Variants in RSRP1 observed in about 807,000 individuals in gnomAD.
The protein encoded by RSRP1 is arginine and serine rich protein 1.
RSRP1 carries 37 observed loss-of-function variants against 33.0 expected under a neutral mutation model. The observed-to-expected ratio is 1.12, with a 90% CI of 0.86 to 1.48. RSRP1 has a LOEUF of 1.48. Ranked by LOEUF, RSRP1 falls within the 40% of genes most tolerant of loss-of-function variation. The pLI is 0.00. For missense variants in RSRP1, 402 were observed against 385.3 expected, an observed-to-expected ratio of 1.04 and a Z score of -0.36; for synonymous variants, 167 against 158.7, an observed-to-expected ratio of 1.05 and a Z score of -0.40.
rs1367405694 is a variant in RSRP1, at chr1:25,316,635, A to AG, written c.-67+21342_-67+21343insC. On this transcript the variant is annotated intron_variant, in intron 1 of 1. Coordinates refer to the RSRP1 transcript ENST00000561867. ...CAAAAACAGAAAAAAAAAAAAAAAA[A>AG]AGAGAGAGAGAGAAAACTGGAGGCT... Among the ~76,000 whole-genome samples the AG allele has an allele frequency of 7.0e-4, 84 of 119,510 alleles. 8 individuals carry two copies. Among genetic ancestry groups the AG allele is most frequent in the African/African-American group, 1.4e-3 (51 of 35,582 alleles). The allele number at this position is 119,510 out of a possible 152,430, so 78.4% of individuals were successfully genotyped here. A position where few individuals can be genotyped will look rare whatever the true frequency, so the allele number is the denominator to read the frequency against.
chr1:25,299,627 G>A (rs142331361), intron 1 of RSRP1, among the ~76,000 whole-genome samples: 1,613 of 129,574 alleles, frequency 0.012, 204 homozygotes, highest in African/African-American at 0.04. Context: ...AGGAGGTGAC[G>A]CCCGAGAGGT....
intron 1 of RSRP1, among the ~76,000 whole-genome samples, chr1:25,275,635 A>G (rs966449870): frequency 7.5e-6 from 1 of 133,404 alleles, no homozygotes; most frequent in Non-Finnish European, 1.8e-5. Flanking sequence ...GTATGTTACA[A>G]TAAATACATA....
chr1:25,329,728 A>G lies in RSRP1; in HGVS notation c.-67+8250T>C, dbSNP rs552406906. On this transcript the variant is annotated intron_variant, in intron 1 of 1. Coordinates refer to the RSRP1 transcript ENST00000561867. ...GAGTGCAGTGCCGCAATCTCGGCTCACTGCAACCTCCGCCTCCCAGGTTCA... is the reference window on the plus strand; with the variant it reads ...GAGTGCAGTGCCGCAATCTCGGCTCGCTGCAACCTCCGCCTCCCAGGTTCA... The G allele has an allele frequency of 3.8e-5, 5 of 129,914 alleles. 1 individual carries two copies. The highest frequency in any genetic ancestry group is 4.6e-4 in the South Asian group (2 of 4,386). 8.0% of individuals were successfully genotyped at this position (129,914 alleles called of 1,614,324 possible).
In RSRP1 at chr1:25,246,860, C is replaced by G. The variant is rs774213661; in HGVS notation, c.104G>C (p.Arg35Thr). The change falls in exon 2 of 5, where the codon AGG (arginine) becomes ACG (threonine). Residue 35 changes from arginine (R) to threonine (T), a missense_variant. Physicochemically the swap from Arg to Thr is moderately conservative, Grantham distance 71. Coordinates refer to ENST00000243189, the MANE Select transcript of RSRP1 (RefSeq NM_020317.5). ...AGAGCTTCTGGAAAAAGAGCGGCTC[C>G]TAGACCGCGACGACAGCCGGCTGGA... ...GGSSRLSSRS[R>T]SRSFSRSSRS... 9.6e-5 allele frequency: 155 copies of G among 1,611,616 alleles called. No homozygotes were observed. The highest frequency in any genetic ancestry group is 1.3e-4 in the Non-Finnish European group (153 of 1,178,818).
In RSRP1 at chr1:25,301,376, G is replaced by A. The variant is rs1643374131; in HGVS notation, c.-67+36602C>T. The A allele has an allele frequency of 8.4e-6, 7 of 833,100 alleles. 1 individual carries two copies. The highest frequency in any genetic ancestry group is 3.5e-4 in the Middle Eastern group (1 of 2,874). 51.6% of individuals were successfully genotyped at this position (833,100 alleles called of 1,614,324 possible). A position where few individuals can be genotyped will look rare whatever the true frequency, so the allele number is the denominator to read the frequency against. ...TTAGCTGGTATCAGCTTGAGAGCTC[G>A]GAGGGGAGACGTGACTTCCCCATCT... is the stretch of plus-strand genomic sequence containing the variant. On this transcript the variant is annotated intron_variant, in intron 1 of 1. Coordinates refer to the RSRP1 transcript ENST00000561867.
intron 1 of RSRP1, among the ~76,000 whole-genome samples, chr1:25,316,581 G>T (rs1392294342): frequency 2.2e-5 from 2 of 91,762 alleles, no homozygotes; most frequent in Non-Finnish European, 5.4e-5. Context: ...CTCCAGTCTG[G>T]ACGACAGAGT....
chr1:25,285,830 C>T (rs74060760), intron 1 of RSRP1, among the ~76,000 whole-genome samples: 2 of 134,732 alleles, frequency 1.5e-5, no homozygotes, highest in East Asian at 1.9e-4. Flanking sequence ...TGATGGTAAA[C>T]GTCATCCTAG....
At chr1:25,268,829 T>A (rs1330674412) in intron 1 of RSRP1, among the ~76,000 whole-genome samples, 1 of 129,078 alleles carries the variant, frequency 7.7e-6, no homozygotes, top group Admixed American at 7.5e-5. Flanking sequence ...GCGCCTATAA[T>A]CCCAGCTACT....
In RSRP1 at chr1:25,315,640, G is replaced by A. The variant is rs1216448357; in HGVS notation, c.-67+22338C>T. ...GCCTCCTGAGTAGCTGGGACTACAGGCGCCTGCCACCACTCCCGGCTAATG... is the reference window on the plus strand; with the variant it reads ...GCCTCCTGAGTAGCTGGGACTACAGACGCCTGCCACCACTCCCGGCTAATG... On this transcript the variant is annotated intron_variant, in intron 1 of 1. Transcript: ENST00000561867. Among the ~76,000 whole-genome samples the A allele has an allele frequency of 1.7e-4, 21 of 126,642 alleles. 2 individuals carry two copies. The highest frequency in any genetic ancestry group is 5.7e-4 in the African/African-American group (21 of 36,740). The allele number at this position is 126,642 out of a possible 152,430, so 83.1% of individuals were successfully genotyped here.
At chr1:25,245,409 T>TTAAGTCA in intron 2 of RSRP1, 108 bp from the exon 3 acceptor site, 4 of 1,367,920 alleles carry the variant, frequency 2.9e-6, no homozygotes, top group Non-Finnish European at 3.9e-6. Context: ...ATTAAATATA[T>TTAAGTCA]TAAGTCACTT....
rs1298251642 is a variant in RSRP1 at position 25,276,203 on chromosome 1, G to C, written c.-66-29174C>G. On this transcript the variant is annotated intron_variant, in intron 1 of 1. Transcript: ENST00000561867. ...AGCATGGTGGGTTGTTTTTGTTTTT[G>C]TTTTTTAAGTCTCCATCTGTTAGAG... is the stretch of plus-strand genomic sequence containing the variant. Among the ~76,000 whole-genome samples the C allele has an allele frequency of 4.4e-4, 57 of 130,164 alleles. 8 individuals carry two copies. Among genetic ancestry groups the C allele is most frequent in the African/African-American group, 1.5e-3 (56 of 38,110 alleles). 85.4% of individuals were successfully genotyped at this position (130,164 alleles called of 152,430 possible). A position where few individuals can be genotyped will look rare whatever the true frequency, so the allele number is the denominator to read the frequency against.
chr1:25,308,800 C>T lies in RSRP1; in HGVS notation c.-67+29178G>A, dbSNP rs1220333042. Among the ~76,000 whole-genome samples, 9 of 129,586 alleles carry T rather than the reference C, an allele frequency of 6.9e-5. 2 individuals carry two copies. The highest frequency in any genetic ancestry group is 1.5e-4 in the Admixed American group (2 of 13,390). 85.0% of individuals were successfully genotyped at this position (129,586 alleles called of 152,430 possible). On this transcript the variant is annotated intron_variant, in intron 1 of 1. Coordinates refer to the RSRP1 transcript ENST00000561867. ...ATAGTGACAGTGATGATCTCTCTTC[C>T]GGAAGTCTTTGGTTTGCTGAGAGTA...
At chr1:25,257,092 A>G (rs1639972048) in intron 1 of RSRP1, among the ~76,000 whole-genome samples, 1 of 152,212 alleles carries the variant, frequency 6.6e-6, no homozygotes, top group African/African-American at 2.4e-5. Context: ...TGGAACAGCT[A>G]GGTCGAAGGA....
chr1:25,244,557 G>C, intron 3 of RSRP1: 1 of 1,288,150 alleles, frequency 7.8e-7, no homozygotes, highest in Non-Finnish European at 1.0e-6. Flanking sequence ...CAGAATTTGT[G>C]GGAACATAAT....
At chr1:25,333,444 A>G (rs1225849833) in intron 1 of RSRP1, among the ~76,000 whole-genome samples, 1 of 129,752 alleles carries the variant, frequency 7.7e-6, no homozygotes, top group Admixed American at 7.5e-5. Flanking sequence ...GAAGTGAGCC[A>G]TGTGGGTATG....
chr1:25,311,737 T>C (rs1644160728), intron 1 of RSRP1, among the ~76,000 whole-genome samples: 2 of 130,218 alleles, frequency 1.5e-5, no homozygotes, highest in South Asian at 4.7e-4. Context: ...CCCACATTTC[T>C]GGTGCAGCAT....
chr1:25,243,733 G>C, intron 3 of RSRP1, 100 bp from the exon 4 acceptor site: 1 of 1,496,700 alleles, frequency 6.7e-7, no homozygotes, highest in Non-Finnish European at 8.9e-7. Context: ...TTTAGCTGTA[G>C]ACACAAAAAT....
At position 25,322,529 on chromosome 1, in the gene RSRP1, T is replaced by C. The variant is rs534730481; in HGVS notation, c.-67+15449A>G. Among the ~76,000 whole-genome samples, 8 of 132,250 alleles carry C rather than the reference T, an allele frequency of 6.0e-5. 1 individual carries two copies. Among genetic ancestry groups the C allele is most frequent in the South Asian group, 4.6e-4 (2 of 4,346 alleles). 86.8% of individuals were successfully genotyped at this position (132,250 alleles called of 152,430 possible). ...CTCTACTAAAAATACAAAAGTTAGC[T>C]GGGTGTGGTGGCACATGCCTGTAAT... On this transcript the variant is annotated intron_variant, in intron 1 of 1. Transcript: ENST00000561867.
In RSRP1 at chr1:25,279,031, A is replaced by G. The variant is rs536962205; in HGVS notation, c.-66-32002T>C. On this transcript the variant is annotated intron_variant, in intron 1 of 1. Coordinates refer to the RSRP1 transcript ENST00000561867. ...GGTGCTGAAGTTTCTGCAGGCCAGA[A>G]GGAGGGGCAAGAGTGGGAGGGGGCG... 1.1e-3 allele frequency among the ~76,000 whole-genome samples: 137 copies of G among 129,080 alleles called. 26 individuals are homozygous for G. In the Middle Eastern group the frequency reaches 0.012, roughly 11 times the overall value. 84.7% of individuals were successfully genotyped at this position (129,080 alleles called of 152,430 possible). A position where few individuals can be genotyped will look rare whatever the true frequency, so the allele number is the denominator to read the frequency against.
Sources: gnomAD v4.1 joint callset for allele counts (sites outside exome capture counted in the v4.1 genomes callset) on GRCh38, gnomAD v4.1.1 for gene constraint, MANE v1.5 for transcripts, NCBI Gene and HGNC (gene_info 2026-07-23, HGNC 2026-07-21) for gene names.